AGBL4: variants seen among roughly 807,000 people sequenced by gnomAD.
AGBL4 encodes the protein cytosolic carboxypeptidase 6.
In AGBL4, 58 loss-of-function variants were observed where a neutral mutation model predicts 66.4. That is an observed-to-expected ratio of 0.87 (90% CI 0.71 to 1.09). The LOEUF (loss-of-function observed/expected upper bound fraction) is 1.09, where lower values mean the gene tolerates loss of function less well. Ranked by LOEUF, AGBL4 falls within the 50% of genes least tolerant of loss-of-function variation. The pLI, the probability that AGBL4 is intolerant of heterozygous loss-of-function variation, is 0.00. For synonymous variants in AGBL4, 234 were observed against 222.9 expected, an observed-to-expected ratio of 1.05 and a Z score of -0.44; for missense variants, 579 against 631.0, an observed-to-expected ratio of 0.92 and a Z score of 0.88.
intron 6 of AGBL4, among the ~76,000 whole-genome samples, chr1:48,716,420 A>G (rs537361491): frequency 3.9e-5 from 6 of 152,270 alleles, no homozygotes; most frequent in Admixed American, 2.6e-4. Flanking sequence ...CCAAAGAAAG[A>G]TCAAGTAAAG....
chr1:49,382,965 C>T (rs1570580816), intron 3 of AGBL4, among the ~76,000 whole-genome samples: 1 of 152,056 alleles, frequency 6.6e-6, no homozygotes, highest in East Asian at 1.9e-4. Context: ...CATAGCAAGA[C>T]CCTTTTCAAA....
At chr1:49,742,139 T>C (rs1392689960) in intron 2 of AGBL4, among the ~76,000 whole-genome samples, 2 of 152,124 alleles carry the variant, frequency 1.3e-5, no homozygotes, top group African/African-American at 2.4e-5. Context: ...CATGATTGTA[T>C]ATCTAGAAAA....
At chr1:49,106,236 T>A (rs1261943913) in intron 4 of AGBL4, among the ~76,000 whole-genome samples, 2 of 152,180 alleles carry the variant, frequency 1.3e-5, no homozygotes, top group Non-Finnish European at 2.9e-5. Flanking sequence ...GATACTGCCT[T>A]TACCAAAAGG....
intron 3 of AGBL4, among the ~76,000 whole-genome samples, chr1:49,647,866 A>C (rs1386687588): frequency 1.1e-4 from 17 of 152,010 alleles, no homozygotes; most frequent in Admixed American, 1.1e-3. Context: ...AAAAAAAAAA[A>C]AAAAACCTGA....
chr1:49,557,557 A>G (rs906073348), intron 3 of AGBL4, among the ~76,000 whole-genome samples: 2 of 152,032 alleles, frequency 1.3e-5, no homozygotes, highest in Non-Finnish European at 2.9e-5. Flanking sequence ...AACTCAGCTG[A>G]TATCTGCCCA....
intron 4 of AGBL4, among the ~76,000 whole-genome samples, chr1:49,100,423 A>C (rs1054932095): frequency 1.3e-5 from 2 of 152,202 alleles, no homozygotes; most frequent in African/African-American, 2.4e-5. Flanking sequence ...GTACACTCCC[A>C]GGAACTGGGG....
intron 1 of AGBL4, among the ~76,000 whole-genome samples, chr1:49,929,113 A>G (rs1653078942): frequency 6.6e-6 from 1 of 152,156 alleles, no homozygotes; most frequent in South Asian, 2.1e-4. Flanking sequence ...GGAGCTAAGC[A>G]TTGGGTACAC....
chr1:48,689,391 AC>A (rs1646589503), intron 6 of AGBL4, among the ~76,000 whole-genome samples: 1 of 149,492 alleles, frequency 6.7e-6, no homozygotes, highest in Non-Finnish European at 1.5e-5. Flanking sequence ...CTACCTACCT[AC>A]CTACCTACCT....
chr1:49,471,515 A>G (rs1646744668), intron 3 of AGBL4, among the ~76,000 whole-genome samples: 1 of 151,918 alleles, frequency 6.6e-6, no homozygotes, highest in Admixed American at 6.6e-5. Context: ...CTAAAGGTGG[A>G]GGGAAGCAGC....
intron 6 of AGBL4, among the ~76,000 whole-genome samples, chr1:48,817,175 A>G (rs1285972183): frequency 6.6e-6 from 1 of 152,210 alleles, no homozygotes; most frequent in Non-Finnish European, 1.5e-5. Context: ...CCCTCTCCCA[A>G]CGTATGACAT....
chr1:49,194,204 T>A (rs11583105), intron 4 of AGBL4, among the ~76,000 whole-genome samples: 62,302 of 151,962 alleles, frequency 0.41, 16,230 homozygotes, highest in Non-Finnish European at 0.58. Flanking sequence ...CTGTACTAGG[T>A]GCATATATAC....
intron 3 of AGBL4, among the ~76,000 whole-genome samples, chr1:49,674,372 T>TCCTCTACAAGAGTACACTCA (rs1553246636): frequency 6.6e-6 from 1 of 151,860 alleles, no homozygotes; most frequent in East Asian, 1.9e-4. Context: ...TCATGACACC[T>TCCTCTACAAGAGTACACTCA]CCTCTACAAG....
intron 3 of AGBL4, among the ~76,000 whole-genome samples, chr1:49,592,531 T>C (rs1200673181): frequency 2.0e-5 from 3 of 152,170 alleles, no homozygotes; most frequent in African/African-American, 4.8e-5. Flanking sequence ...ATCATGCCAC[T>C]GCATTTCAGC....
At chr1:49,911,369 G>A (rs953203739) in intron 1 of AGBL4, among the ~76,000 whole-genome samples, 17 of 152,248 alleles carry the variant, frequency 1.1e-4, no homozygotes, top group Non-Finnish European at 2.2e-4. Flanking sequence ...CACTCCTACA[G>A]ATGGTGGAAT....
intron 3 of AGBL4, among the ~76,000 whole-genome samples, chr1:49,566,872 T>G (rs1644219088): frequency 6.6e-6 from 1 of 152,198 alleles, no homozygotes; most frequent in South Asian, 2.1e-4. Context: ...TGTCTTTTGT[T>G]TGTCTGTGCC....
At chr1:49,324,453 T>G (rs555600832) in intron 3 of AGBL4, among the ~76,000 whole-genome samples, 20 of 152,222 alleles carry the variant, frequency 1.3e-4, no homozygotes, top group Non-Finnish European at 2.2e-4. Context: ...ACTGAGCCAC[T>G]TTTGTTTGCT....
chr1:49,404,222 T>G (rs1488663942), intron 3 of AGBL4, among the ~76,000 whole-genome samples: 2 of 152,122 alleles, frequency 1.3e-5, no homozygotes, highest in Non-Finnish European at 2.9e-5. Flanking sequence ...GTAATAAAAG[T>G]GGGCTCCTGA....
intron 5 of AGBL4, among the ~76,000 whole-genome samples, chr1:48,989,099 T>C (rs1660407030): frequency 6.6e-6 from 1 of 152,232 alleles, no homozygotes; most frequent in Non-Finnish European, 1.5e-5. Context: ...GCCCTGGCTT[T>C]ATGACTACTC....
chr1:48,826,996 CT>C (rs1408522108), intron 6 of AGBL4, among the ~76,000 whole-genome samples: 3 of 152,132 alleles, frequency 2.0e-5, no homozygotes, highest in African/African-American at 7.2e-5. Flanking sequence ...TTCTTTCCCC[CT>C]CTATCAAGAT....
Sources: allele counts gnomAD v4.1 joint callset (sites outside exome capture counted in the v4.1 genomes callset), GRCh38; gene constraint gnomAD v4.1.1; transcripts MANE v1.5; gene names NCBI Gene and HGNC (gene_info 2026-07-23, HGNC 2026-07-21).